Variants in KITLG observed in about 807,000 individuals in gnomAD.
KITLG encodes c-Kit ligand.
In KITLG, 13 loss-of-function variants were observed where a neutral mutation model predicts 34.1. The ratio of observed to expected loss-of-function variants is 0.38; its 90% CI spans 0.25 to 0.61. The LOEUF is 0.61. KITLG is among the 20% of genes least tolerant of loss of function. The pLI, the probability that KITLG is intolerant of heterozygous loss-of-function variation, is 0.60. For synonymous variants in KITLG, 110 were observed against 104.0 expected (o/e 1.06, Z -0.35); for missense variants, 292 against 318.9 (o/e 0.92, Z 0.64).
chr12:88,520,991 T>C (rs906479049), intron 3 of KITLG, among the ~76,000 whole-genome samples: 2 of 152,172 alleles, frequency 1.3e-5, no homozygotes, highest in African/African-American at 2.4e-5. Context: ...TCTAAAGTCA[T>C]GAACAATTTG....
intron 3 of KITLG, among the ~76,000 whole-genome samples, chr12:88,524,868 G>A (rs955822815): frequency 6.6e-6 from 1 of 152,118 alleles, no homozygotes; most frequent in Non-Finnish European, 1.5e-5. Flanking sequence ...ATAAATAGTT[G>A]ACTACAAGTG....
chr12:88,516,262 T>C, intron 5 of KITLG, 72 bp downstream of exon 5: 1 of 1,285,120 alleles, frequency 7.8e-7, no homozygotes. Flanking sequence ...AACACAGAGG[T>C]AGATTCTTAC....
chr12:88,506,572 A>C (rs1869068923), intron 7 of KITLG, among the ~76,000 whole-genome samples, 194 bp from the exon 8 acceptor site: 1 of 152,190 alleles, frequency 6.6e-6, no homozygotes, highest in African/African-American at 2.4e-5. Flanking sequence ...CATTTTTAGG[A>C]TGTTGGGGGC....
At chr12:88,536,985 A>T (rs554045963) in intron 2 of KITLG, among the ~76,000 whole-genome samples, 171 of 151,858 alleles carry the variant, frequency 1.1e-3, no homozygotes, top group African/African-American at 3.2e-3. Context: ...AGTATAATTT[A>T]AAAAAATGTC....
intron 1 of KITLG, among the ~76,000 whole-genome samples, chr12:88,569,463 C>T (rs886531453): frequency 1.3e-5 from 2 of 152,030 alleles, no homozygotes; most frequent in South Asian, 2.1e-4. Context: ...AAGAAAGGAG[C>T]CATCACTATT....
chr12:88,527,550 A>C (rs1215043827), intron 3 of KITLG, among the ~76,000 whole-genome samples: 1 of 152,258 alleles, frequency 6.6e-6, no homozygotes, highest in African/African-American at 2.4e-5. Context: ...CGAAAAACTG[A>C]CAATGATAGC....
Position 88,493,149 on chromosome 12 carries a change from A to C in KITLG, c.*4070T>G, listed in dbSNP as rs1868472960. 6.6e-6 allele frequency: 1 copy of C among 152,352 alleles called. No homozygotes were observed. Among genetic ancestry groups the C allele is most frequent in the Non-Finnish European group, 1.5e-5 (1 of 67,874 alleles). The allele number at this position is 152,352 out of a possible 1,614,324, so 9.4% of individuals were successfully genotyped here. A position where few individuals can be genotyped will look rare whatever the true frequency, so the allele number is the denominator to read the frequency against. On this transcript the variant is annotated 3_prime_UTR_variant, in exon 10 of 10. Transcript: ENST00000644744. Reference sequence around the variant, plus strand: ...ATAATCACATATTAACCCTTAGAATATAGAATAGAATATTTTGATTGGAAA... The same window carrying C: ...ATAATCACATATTAACCCTTAGAATCTAGAATAGAATATTTTGATTGGAAA...
intron 2 of KITLG, among the ~76,000 whole-genome samples, chr12:88,537,716 A>T (rs1243361430): frequency 6.6e-6 from 1 of 152,138 alleles, no homozygotes; most frequent in East Asian, 1.9e-4. Context: ...GGTCCCAAGC[A>T]TTTTGGGTAG....
chr12:88,527,485 G>T (rs889757547), intron 3 of KITLG, among the ~76,000 whole-genome samples: 1 of 152,144 alleles, frequency 6.6e-6, no homozygotes, highest in Non-Finnish European at 1.5e-5. Flanking sequence ...TGTTAGAGTG[G>T]CATCACATGC....
At chr12:88,538,962 G>A (rs1870425152) in intron 2 of KITLG, among the ~76,000 whole-genome samples, 1 of 152,154 alleles carries the variant, frequency 6.6e-6, no homozygotes. Flanking sequence ...GATTGACCAT[G>A]TCCAGTGACA....
At chr12:88,563,591 G>A (rs7953414) in intron 1 of KITLG, among the ~76,000 whole-genome samples, 100,213 of 152,128 alleles carry the variant, frequency 0.66, 36,740 homozygotes, top group Middle Eastern at 0.86. Flanking sequence ...ATTGTTTATC[G>A]TGAGATCCAT....
At chr12:88,519,191 A>G (rs1177433961) in intron 3 of KITLG, among the ~76,000 whole-genome samples, 2 of 152,056 alleles carry the variant, frequency 1.3e-5, no homozygotes, top group Non-Finnish European at 2.9e-5. Context: ...TACATTACTT[A>G]AAATGTTGTA....
At chr12:88,534,742 T>C (rs1357881911) in intron 2 of KITLG, 2 of 501,216 alleles carry the variant, frequency 4.0e-6, no homozygotes, top group Non-Finnish European at 7.9e-6. Context: ...TGGCGTTAAC[T>C]CCCTTATTCT....
chr12:88,552,350 C>CTT (rs59304422), intron 1 of KITLG, among the ~76,000 whole-genome samples: 2 of 141,698 alleles, frequency 1.4e-5, no homozygotes, highest in African/African-American at 5.1e-5. Flanking sequence ...TTTTTCTTTT[C>CTT]TTTTTTTTTT....
chr12:88,553,033 T>A (rs545017804), intron 1 of KITLG, among the ~76,000 whole-genome samples: 1 of 152,240 alleles, frequency 6.6e-6, no homozygotes, highest in African/African-American at 2.4e-5. Flanking sequence ...AGAAGACAAG[T>A]ACTTCAAAAA....
At chr12:88,510,894 C>T (rs1441176053) in intron 6 of KITLG, among the ~76,000 whole-genome samples, 1 of 152,126 alleles carries the variant, frequency 6.6e-6, no homozygotes, top group African/African-American at 2.4e-5. Context: ...AAAACATTTG[C>T]ATAATTCTAT....
In KITLG at chr12:88,505,198, A is replaced by G; in HGVS notation, c.820T>C (p.Ter274GlnextTer15). ...AACAGTGTTGATACAAGCCACAATT[A>G]CACTTCTTGAAACTCTCTCTCTTTC... is the stretch of plus-strand genomic sequence containing the variant. ...QEKEREFQEV[*>Q] Residue 274 changes from the stop codon to glutamine, a stop_lost, in exon 9 of 10, where the codon TAA (stop) becomes CAA (glutamine). Transcript: ENST00000644744. 6.2e-7 allele frequency: 1 copy of G among 1,608,716 alleles called. No individual in the cohort carries two copies. Among genetic ancestry groups the G allele is most frequent in the Non-Finnish European group, 8.5e-7 (1 of 1,175,220 alleles).
intron 6 of KITLG, among the ~76,000 whole-genome samples, chr12:88,508,560 T>G (rs1428027477): frequency 6.6e-6 from 1 of 150,770 alleles, no homozygotes; most frequent in Non-Finnish European, 1.5e-5. Flanking sequence ...TGCTCACGTG[T>G]GTGTGTGTGT....
intron 1 of KITLG, among the ~76,000 whole-genome samples, chr12:88,573,296 C>T (rs1405608029): frequency 6.6e-6 from 1 of 152,166 alleles, no homozygotes; most frequent in African/African-American, 2.4e-5. Flanking sequence ...CTCTGTCACA[C>T]TCTTCTTGGA....
Sources: gnomAD v4.1 joint callset for allele counts (sites outside exome capture counted in the v4.1 genomes callset) on GRCh38, gnomAD v4.1.1 for gene constraint, MANE v1.5 for transcripts, NCBI Gene and HGNC (gene_info 2026-07-23, HGNC 2026-07-21) for gene names.